Variants in GPC5 observed in about 807,000 individuals in gnomAD.
GPC5 encodes the protein glypican 5.
A neutral mutation model predicts 53.9 loss-of-function variants in GPC5; 47 were observed. The ratio of observed to expected loss-of-function variants is 0.87; its 90% CI spans 0.69 to 1.11. The LOEUF is 1.11. Ranked by LOEUF, GPC5 falls within the 50% of genes most tolerant of loss-of-function variation. The probability of loss-of-function intolerance (pLI) is 0.00; values close to 1 mark genes in which losing one functional copy is unlikely to be tolerated. For synonymous variants in GPC5, 286 were observed against 263.3 expected, an observed-to-expected ratio of 1.09 and a Z score of -0.84; for missense variants, 748 against 713.1, an observed-to-expected ratio of 1.05 and a Z score of -0.56.
intron 7 of GPC5, among the ~76,000 whole-genome samples, chr13:92,671,459 A>C (rs1886748615): frequency 6.6e-6 from 1 of 152,204 alleles, no homozygotes; most frequent in African/African-American, 2.4e-5. Flanking sequence ...CTATTTTTCT[A>C]GCTTTTCTGC....
chr13:92,527,249 GAGAA>G lies in GPC5; in HGVS notation c.1562-339003_1562-339000del, dbSNP rs199630577. On this transcript the variant is annotated intron_variant, in intron 7 of 7. Coordinates refer to ENST00000377067, the MANE Select transcript of GPC5 (RefSeq NM_004466.6). ...AGAAAGAAAGAAAGAAAGAAAGAAA[GAGAA>G]AGAAAGAAAGAAAGAAAGAAAGAAA... is the stretch of plus-strand genomic sequence containing the variant. Among the ~76,000 whole-genome samples the G allele has an allele frequency of 5.2e-3, 171 of 32,714 alleles. 12 individuals are homozygous for G. The highest frequency in any genetic ancestry group is 7.8e-3 in the Non-Finnish European group (122 of 15,678). The allele number at this position is 32,714 out of a possible 152,430, so 21.5% of individuals were successfully genotyped here.
intron 7 of GPC5, among the ~76,000 whole-genome samples, chr13:92,421,344 C>CA (rs1340134590): frequency 6.6e-6 from 1 of 152,108 alleles, no homozygotes; most frequent in East Asian, 1.9e-4. Context: ...GAAAGGGAGA[C>CA]ACTGTGTTAA....
intron 7 of GPC5, among the ~76,000 whole-genome samples, chr13:92,204,602 C>A (rs1403068606): frequency 6.6e-6 from 1 of 152,144 alleles, no homozygotes; most frequent in Non-Finnish European, 1.5e-5. Context: ...AACAATTCTG[C>A]GTTGATAATT....
At chr13:91,535,334 C>G (rs925782752) in intron 2 of GPC5, among the ~76,000 whole-genome samples, 2 of 152,094 alleles carry the variant, frequency 1.3e-5, no homozygotes, top group Non-Finnish European at 2.9e-5. Flanking sequence ...CTCCAGTTGT[C>G]TTTGTCTGTT....
intron 6 of GPC5, among the ~76,000 whole-genome samples, chr13:92,020,080 T>C (rs760221663): frequency 8.5e-5 from 13 of 152,124 alleles, no homozygotes; most frequent in Non-Finnish European, 1.8e-4. Flanking sequence ...CCTTGTCTCA[T>C]AGTCTGCTTT....
chr13:92,266,528 C>T (rs2042803547), intron 7 of GPC5, among the ~76,000 whole-genome samples: 1 of 152,112 alleles, frequency 6.6e-6, no homozygotes, highest in Non-Finnish European at 1.5e-5. Flanking sequence ...ACTGCTGAGT[C>T]ATCCCTCAGG....
intron 5 of GPC5, among the ~76,000 whole-genome samples, chr13:91,860,253 C>T (rs1343822000): frequency 2.0e-5 from 3 of 152,130 alleles, no homozygotes; most frequent in African/African-American, 7.2e-5. Context: ...CTAGCATCCT[C>T]TGTTTTACTT....
chr13:92,741,121 A>G (rs1175790275), intron 7 of GPC5, among the ~76,000 whole-genome samples: 1 of 150,750 alleles, frequency 6.6e-6, no homozygotes, highest in African/African-American at 2.4e-5. Flanking sequence ...TGTATGTTGG[A>G]AATGTAATCC....
intron 7 of GPC5, among the ~76,000 whole-genome samples, chr13:92,814,459 G>A (rs1033295211): frequency 3.3e-5 from 5 of 151,710 alleles, no homozygotes; most frequent in Admixed American, 6.6e-5. Flanking sequence ...TCAGGAGTTC[G>A]AGACCAGCCT....
intron 7 of GPC5, among the ~76,000 whole-genome samples, chr13:92,577,135 G>A (rs1296881102): frequency 6.6e-6 from 1 of 152,068 alleles, no homozygotes; most frequent in Non-Finnish European, 1.5e-5. Context: ...AAAGTCATGT[G>A]GGTATATTAT....
intron 7 of GPC5, among the ~76,000 whole-genome samples, chr13:92,226,724 G>A (rs545926761): frequency 2.0e-4 from 30 of 150,944 alleles, no homozygotes; most frequent in Admixed American, 2.0e-4. Context: ...CCAGTCTCCC[G>A]AGCAGCTGGG....
At chr13:92,143,612 G>T (rs993587065) in intron 6 of GPC5, among the ~76,000 whole-genome samples, 3 of 152,134 alleles carry the variant, frequency 2.0e-5, no homozygotes, top group African/African-American at 7.2e-5. Context: ...AAAAATTACT[G>T]TCAAATTGTT....
chr13:92,679,513 A>C (rs975223387), intron 7 of GPC5, among the ~76,000 whole-genome samples: 2 of 152,196 alleles, frequency 1.3e-5, no homozygotes, highest in African/African-American at 4.8e-5. Flanking sequence ...ACTTGTAGGC[A>C]ACAATGGAGC....
chr13:91,902,902 G>A (rs1168923555), intron 5 of GPC5, among the ~76,000 whole-genome samples: 2 of 151,764 alleles, frequency 1.3e-5, no homozygotes, highest in African/African-American at 2.4e-5. Flanking sequence ...TTATACTGTG[G>A]CTCAATGAAA....
chr13:92,798,060 A>G (rs1188194079), intron 7 of GPC5, among the ~76,000 whole-genome samples: 1 of 151,634 alleles, frequency 6.6e-6, no homozygotes, highest in Non-Finnish European at 1.5e-5. Flanking sequence ...GCAGTTTCGT[A>G]TTTTTCAATA....
rs529610868 is a variant in GPC5, at chr13:92,514,303, G to T, written c.1562-351979G>T. Among the ~76,000 whole-genome samples, 10 of 152,144 alleles carry T rather than the reference G, an allele frequency of 6.6e-5. No individual in the cohort carries two copies. The South Asian group carries it at 1.7e-3, about 25-fold the overall frequency. On this transcript the variant is annotated intron_variant, in intron 7 of 7. Transcript: ENST00000377067. ...TCTAAGCTGGAAGACTAAGAATTAA[G>T]ACATATACTATGGTGATCCCAATAG...
At chr13:91,571,990 T>C (rs562016416) in intron 2 of GPC5, among the ~76,000 whole-genome samples, 2 of 139,702 alleles carry the variant, frequency 1.4e-5, no homozygotes, top group Admixed American at 6.9e-5. Context: ...TGTATATATG[T>C]GTATATGTGT....
intron 7 of GPC5, among the ~76,000 whole-genome samples, chr13:92,228,176 G>C (rs1320795615): frequency 6.9e-6 from 1 of 145,978 alleles, no homozygotes; most frequent in Non-Finnish European, 1.5e-5. Context: ...AGAAGGAGAG[G>C]CAGGCACACT....
chr13:91,670,031 T>C (rs1275437872), intron 2 of GPC5, among the ~76,000 whole-genome samples: 2 of 152,148 alleles, frequency 1.3e-5, no homozygotes, highest in Admixed American at 6.5e-5. Context: ...AAGGTAGAAC[T>C]AGAATAGTCT....
Sources: gnomAD v4.1 joint callset for allele counts (sites outside exome capture counted in the v4.1 genomes callset) on GRCh38, gnomAD v4.1.1 for gene constraint, MANE v1.5 for transcripts, NCBI Gene and HGNC (gene_info 2026-07-23, HGNC 2026-07-21) for gene names.